RANBP17: variants seen among roughly 807,000 people sequenced by gnomAD.
RANBP17 encodes the protein RAN binding protein 17.
In RANBP17, 158 loss-of-function variants were observed where a neutral mutation model predicts 141.2. The observed-to-expected ratio is 1.12, with a 90% CI of 0.98 to 1.28. The LOEUF (loss-of-function observed/expected upper bound fraction) is 1.28. Ranked by LOEUF, RANBP17 falls within the 50% of genes most tolerant of loss-of-function variation. The pLI is 0.00. For missense variants in RANBP17, 1,438 were observed against 1,290.7 expected (o/e 1.11, Z -1.75); for synonymous variants, 430 against 450.0 (o/e 0.96, Z 0.56).
chr5:171,257,203 T>C (rs1765955279), intron 24 of RANBP17, among the ~76,000 whole-genome samples: 2 of 152,324 alleles, frequency 1.3e-5, no homozygotes, highest in South Asian at 2.1e-4. Context: ...ATCCGAAAGA[T>C]AGTACACGAT....
In RANBP17 at chr5:170,869,463, A is replaced by G. The variant is rs192603195; in HGVS notation, c.18+7412A>G. ...TGCCACCGTGCCTTAATACCAATATATTTTCATAGATCTGGTGGCCAGAAA... is the reference window on the plus strand; with the variant it reads ...TGCCACCGTGCCTTAATACCAATATGTTTTCATAGATCTGGTGGCCAGAAA... On this transcript the variant is annotated intron_variant, in intron 1 of 27. Coordinates refer to ENST00000523189, the MANE Select transcript of RANBP17 (RefSeq NM_022897.5). Among the ~76,000 whole-genome samples, 7 of 151,686 alleles carry G rather than the reference A, an allele frequency of 4.6e-5. No individual in the cohort carries two copies. The East Asian group carries it at 1.4e-3, about 29-fold the overall frequency.
chr5:170,938,452 G>A (rs1299353150), intron 12 of RANBP17, among the ~76,000 whole-genome samples: 1 of 152,134 alleles, frequency 6.6e-6, no homozygotes, highest in Non-Finnish European at 1.5e-5. Flanking sequence ...TGCCATGAAT[G>A]AGCACTAACA....
At chr5:170,964,529 TA>T (rs200525722) in intron 13 of RANBP17, among the ~76,000 whole-genome samples, 2,570 of 152,252 alleles carry the variant, frequency 0.017, 67 homozygotes, top group African/African-American at 0.058. Flanking sequence ...GTGTATCTCC[TA>T]ATGCTATCCC....
chr5:170,942,186 C>T (rs186621682), intron 12 of RANBP17, among the ~76,000 whole-genome samples: 6 of 152,222 alleles, frequency 3.9e-5, no homozygotes, highest in African/African-American at 1.4e-4. Context: ...GGAACAGTTT[C>T]ATCCCAAAAC....
intron 14 of RANBP17, among the ~76,000 whole-genome samples, chr5:171,059,063 G>A (rs1783616362): frequency 6.8e-6 from 1 of 146,726 alleles, no homozygotes; most frequent in African/African-American, 2.5e-5. Flanking sequence ...CTGGATATTA[G>A]CCCTTTGTCA....
At position 170,884,228 on chromosome 5, in the gene RANBP17, C is replaced by G. The variant is rs371420650; in HGVS notation, c.256+2332C>G. Among the ~76,000 whole-genome samples, 62 of 152,232 alleles carry G rather than the reference C, an allele frequency of 4.1e-4. 1 individual carries two copies. The South Asian group carries it at 0.012, about 31-fold the overall frequency. On this transcript the variant is annotated intron_variant, in intron 3 of 27. Coordinates refer to ENST00000523189, the MANE Select transcript of RANBP17 (RefSeq NM_022897.5). ...AGCACCTTTTTATGTGCTTATTTGA[C>G]CTCTGTACAATTGACCCTTGAACAA... is the stretch of plus-strand genomic sequence containing the variant.
intron 12 of RANBP17, among the ~76,000 whole-genome samples, chr5:170,949,979 A>G (rs1027324524): frequency 6.6e-6 from 1 of 152,208 alleles, no homozygotes; most frequent in African/African-American, 2.4e-5. Context: ...AAAGGTGTCA[A>G]GAACATACAT....
chr5:171,077,935 G>A (rs1364515639), intron 14 of RANBP17, among the ~76,000 whole-genome samples: 1 of 152,138 alleles, frequency 6.6e-6, no homozygotes, highest in African/African-American at 2.4e-5. Context: ...GAGAGGTGAG[G>A]AAGCTACAGA....
chr5:171,024,460 G>A (rs537603469), intron 14 of RANBP17, among the ~76,000 whole-genome samples: 2 of 152,230 alleles, frequency 1.3e-5, no homozygotes, highest in African/African-American at 2.4e-5. Flanking sequence ...TGGACCATAA[G>A]CCTAAAATAT....
chr5:171,278,546 A>C (rs551777519), intron 25 of RANBP17, among the ~76,000 whole-genome samples: 13 of 152,236 alleles, frequency 8.5e-5, no homozygotes, highest in Admixed American at 5.2e-4. Context: ...TCCTCACCTA[A>C]ATTGAAGACG....
chr5:171,073,956 A>G (rs1173943235), intron 14 of RANBP17, among the ~76,000 whole-genome samples: 1 of 152,070 alleles, frequency 6.6e-6, no homozygotes, highest in East Asian at 1.9e-4. Context: ...AATTCTTCGG[A>G]GAAAACAGAC....
At chr5:171,209,995 G>A (rs1762781448) in intron 20 of RANBP17, among the ~76,000 whole-genome samples, 1 of 152,176 alleles carries the variant, frequency 6.6e-6, no homozygotes, top group African/African-American at 2.4e-5. Context: ...TTGTAAAGAA[G>A]CAAACTTGAT....
chr5:170,965,649 A>T (rs577631405), intron 13 of RANBP17, among the ~76,000 whole-genome samples: 1 of 152,292 alleles, frequency 6.6e-6, no homozygotes, highest in Non-Finnish European at 1.5e-5. Flanking sequence ...CATTTATTAA[A>T]TAGGGAATCC....
chr5:171,106,802 G>T (rs1251824086), intron 14 of RANBP17, among the ~76,000 whole-genome samples: 3 of 151,908 alleles, frequency 2.0e-5, no homozygotes, highest in East Asian at 1.9e-4. Flanking sequence ...GTTTGGGGGT[G>T]GGGAAATAGA....
intron 22 of RANBP17, 67 bp from the exon 23 acceptor site, chr5:171,240,861 T>C: frequency 2.0e-6 from 2 of 995,876 alleles, no homozygotes. Context: ...AAATGTTAAA[T>C]AGTGTGTCCC....
intron 1 of RANBP17, among the ~76,000 whole-genome samples, chr5:170,871,954 A>G (rs1581015909): frequency 1.3e-5 from 2 of 152,168 alleles, no homozygotes; most frequent in Non-Finnish European, 2.9e-5. Context: ...AGGTAGTGTG[A>G]TGCCTCCAGC....
At chr5:171,044,506 T>C (rs1782444338) in intron 14 of RANBP17, among the ~76,000 whole-genome samples, 2 of 152,026 alleles carry the variant, frequency 1.3e-5, no homozygotes, top group South Asian at 4.1e-4. Flanking sequence ...TTTTAATTTA[T>C]TTGATCTTTG....
At chr5:171,252,356 A>G in intron 24 of RANBP17, 14 of 1,536,448 alleles carry the variant, frequency 9.1e-6, no homozygotes, top group Admixed American at 1.7e-5. Context: ...ACATTAACTA[A>G]TGAAACCAGA....
At chr5:171,267,786 CAG>C (rs1766825650) in intron 25 of RANBP17, among the ~76,000 whole-genome samples, 1 of 151,306 alleles carries the variant, frequency 6.6e-6, no homozygotes, top group Non-Finnish European at 1.5e-5. Context: ...AGCTTGGCGA[CAG>C]AGCTCCATCT....
Sources: allele counts gnomAD v4.1 joint callset (sites outside exome capture counted in the v4.1 genomes callset), GRCh38; gene constraint gnomAD v4.1.1; transcripts MANE v1.5; gene names NCBI Gene and HGNC (gene_info 2026-07-23, HGNC 2026-07-21).